SH3D19: variants seen among roughly 807,000 people sequenced by gnomAD.
SH3D19 encodes the protein SH3 domain-containing protein 19.
SH3D19 carries 58 observed loss-of-function variants against 112.1 expected under a neutral mutation model. The ratio of observed to expected loss-of-function variants is 0.52; its 90% CI spans 0.42 to 0.64. SH3D19 has a LOEUF of 0.64. Among genes scored for constraint, SH3D19 ranks in the 30% least tolerant of loss-of-function variants. The pLI, the probability that SH3D19 is intolerant of heterozygous loss-of-function variation, is 0.00. For synonymous variants in SH3D19, 391 were observed against 448.5 expected (o/e 0.87, Z 1.62); for missense variants, 1,090 against 1,263.4 (o/e 0.86, Z 2.08).
chr4:151,294,046 T>A (rs185659619), intron 1 of SH3D19, among the ~76,000 whole-genome samples: 2 of 152,360 alleles, frequency 1.3e-5, no homozygotes, highest in Admixed American at 1.3e-4. Flanking sequence ...TATGAAGCCC[T>A]CCTTTATAGA....
chr4:151,287,633 C>A (rs1774937188), intron 1 of SH3D19, among the ~76,000 whole-genome samples: 1 of 151,874 alleles, frequency 6.6e-6, no homozygotes, highest in Non-Finnish European at 1.5e-5. Flanking sequence ...GTGACTCAAG[C>A]CTTGTAATCC....
At chr4:151,285,055 G>A (rs1335899773) in intron 1 of SH3D19, among the ~76,000 whole-genome samples, 3 of 152,034 alleles carry the variant, frequency 2.0e-5, no homozygotes, top group African/African-American at 4.8e-5. Flanking sequence ...CAGCCACTAT[G>A]CATGATAATG....
At chr4:151,240,851 G>T (rs1273164215) in intron 1 of SH3D19, among the ~76,000 whole-genome samples, 1 of 151,914 alleles carries the variant, frequency 6.6e-6, no homozygotes, top group Admixed American at 6.6e-5. Context: ...ATTCATAGTA[G>T]CATTATTTGT....
intron 17 of SH3D19, among the ~76,000 whole-genome samples, chr4:151,129,521 C>T (rs1310723455): frequency 6.6e-6 from 1 of 152,182 alleles, no homozygotes; most frequent in African/African-American, 2.4e-5. Context: ...AGGTGCACAC[C>T]ACCACACCCA....
intron 1 of SH3D19, among the ~76,000 whole-genome samples, chr4:151,263,219 A>T (rs568476462): frequency 6.6e-6 from 1 of 152,328 alleles, no homozygotes; most frequent in East Asian, 1.9e-4. Flanking sequence ...TTGAAGACAG[A>T]GCCTGGGGAA....
chr4:151,300,104 G>A (rs1728231175), intron 1 of SH3D19, among the ~76,000 whole-genome samples: 2 of 152,190 alleles, frequency 1.3e-5, no homozygotes, highest in African/African-American at 2.4e-5. Flanking sequence ...GGGAGGCTGA[G>A]GCAGGAGAAT....
intron 1 of SH3D19, among the ~76,000 whole-genome samples, chr4:151,277,898 G>A (rs112779227): frequency 3.7e-4 from 56 of 152,094 alleles, no homozygotes; most frequent in Middle Eastern, 3.4e-3. Context: ...AAAATTAGCC[G>A]GGCGTGGTGG....
chr4:151,136,961 A>G (rs912787390), intron 14 of SH3D19, among the ~76,000 whole-genome samples: 1 of 152,202 alleles, frequency 6.6e-6, no homozygotes, highest in Non-Finnish European at 1.5e-5. Flanking sequence ...CTTCCAAATA[A>G]GCTGTTAATG....
intron 1 of SH3D19, chr4:151,226,436 T>C (rs1354593814): frequency 1.0e-6 from 1 of 1,002,548 alleles, no homozygotes; most frequent in African/African-American, 1.7e-5. Context: ...CACAGATTAC[T>C]CAGCTCAAAA....
At chr4:151,160,738 A>G (rs1246568526) in intron 8 of SH3D19, among the ~76,000 whole-genome samples, 6 of 149,752 alleles carry the variant, frequency 4.0e-5, no homozygotes, top group African/African-American at 7.4e-5. Context: ...TGAAAAACCT[A>G]TAACAAGAAG....
At chr4:151,203,002 C>G (rs917248124) in intron 2 of SH3D19, among the ~76,000 whole-genome samples, 1 of 152,028 alleles carries the variant, frequency 6.6e-6, no homozygotes, top group Non-Finnish European at 1.5e-5. Flanking sequence ...TTCAAGAATG[C>G]TGGGGGATTG....
intron 1 of SH3D19, chr4:151,300,429 A>G (rs894789037): frequency 9.2e-5 from 14 of 152,168 alleles, no homozygotes; most frequent in Admixed American, 3.9e-4. Flanking sequence ...CTAGAAGATT[A>G]TATTTTTAAA....
chr4:151,199,522 C>T (rs146951024), intron 2 of SH3D19, among the ~76,000 whole-genome samples: 103 of 152,238 alleles, frequency 6.8e-4, no homozygotes, highest in African/African-American at 2.4e-3. Flanking sequence ...AAGGACTCTG[C>T]CTGGGAAATG....
chr4:151,122,142 T>C lies in SH3D19; in HGVS notation c.3093A>G (p.Gly1031=). ...DDDWMSGELM[G]KSGIFPKNYI... ...AGTTTTTGGGAAATATTCCAGATTTTCCCATAAGTTCTCCACTCATCCAGT... is the reference window on the plus strand; with the variant it reads ...AGTTTTTGGGAAATATTCCAGATTTCCCCATAAGTTCTCCACTCATCCAGT... The change falls in exon 20 of 20, where the codon GGA becomes GGG. Residue 1031 remains glycine, a synonymous_variant. Coordinates refer to ENST00000604030, the MANE Select transcript of SH3D19 (RefSeq NM_001378122.1). 1.9e-6 allele frequency: 3 copies of C among 1,611,516 alleles called. No individual in the cohort carries two copies. The East Asian group carries it at 6.7e-5, about 36-fold the overall frequency.
intron 1 of SH3D19, among the ~76,000 whole-genome samples, chr4:151,293,237 G>A (rs1018112985): frequency 2.6e-5 from 4 of 152,224 alleles, no homozygotes; most frequent in East Asian, 1.9e-4. Context: ...TTGGGAGGCC[G>A]AGGCGGGCAG....
rs1747957044 is a variant in SH3D19, at chr4:151,121,426, T to A, written c.*665A>T. The A allele has an allele frequency of 2.3e-5, 1 of 43,572 alleles. No individual in the cohort carries two copies. Among genetic ancestry groups the A allele is most frequent in the Non-Finnish European group, 8.9e-5 (1 of 11,292 alleles). The allele number at this position is 43,572 out of a possible 1,614,324, so 2.7% of individuals were successfully genotyped here. ...CAAGGCATTTCAGGGATGGTTTTGG[T>A]TCTTTAGACTAAGTAAGATACATCC... On this transcript the variant is annotated 3_prime_UTR_variant, in exon 20 of 20. Transcript: ENST00000604030.
intron 1 of SH3D19, among the ~76,000 whole-genome samples, chr4:151,267,320 G>A (rs6819551): frequency 0.36 from 54,314 of 151,596 alleles, 10,807 homozygotes; most frequent in Middle Eastern, 0.45. Context: ...GGGCGACAGA[G>A]CAAGACCCTG....
Position 151,120,608 on chromosome 4 carries a change from G to A in SH3D19, c.*1483C>T, listed in dbSNP as rs1299054572. 2.0e-5 allele frequency: 3 copies of A among 152,080 alleles called. No individual in the cohort carries two copies. Among genetic ancestry groups the A allele is most frequent in the Non-Finnish European group, 2.9e-5 (2 of 68,026 alleles). 9.4% of individuals were successfully genotyped at this position (152,080 alleles called of 1,614,324 possible). ...TTTATACTCTCTTCTTTACCAAAACGTATTAGAAGTCCCCATAGTCCAAAA... is the reference window on the plus strand; with the variant it reads ...TTTATACTCTCTTCTTTACCAAAACATATTAGAAGTCCCCATAGTCCAAAA... On this transcript the variant is annotated 3_prime_UTR_variant, in exon 20 of 20. Coordinates refer to ENST00000604030, the MANE Select transcript of SH3D19 (RefSeq NM_001378122.1).
chr4:151,269,151 T>C (rs1773043650), intron 1 of SH3D19, among the ~76,000 whole-genome samples: 1 of 152,238 alleles, frequency 6.6e-6, no homozygotes, highest in South Asian at 2.1e-4. Flanking sequence ...TGTGAGATGG[T>C]ATCTCATTGT....
Sources: gnomAD v4.1 joint callset for allele counts (sites outside exome capture counted in the v4.1 genomes callset) on GRCh38, gnomAD v4.1.1 for gene constraint, MANE v1.5 for transcripts, NCBI Gene and HGNC (gene_info 2026-07-23, HGNC 2026-07-21) for gene names.